Variants in MSH4 observed in about 807,000 individuals in gnomAD.
The protein encoded by MSH4 is mutS homolog 4.
In MSH4, 106 loss-of-function variants were observed where a neutral mutation model predicts 113.7. The ratio of observed to expected loss-of-function variants is 0.93; its 90% CI spans 0.80 to 1.10. The LOEUF (loss-of-function observed/expected upper bound fraction) is 1.10, where lower values mean the gene tolerates loss of function less well. Among genes scored for constraint, MSH4 ranks in the 50% least tolerant of loss-of-function variants. The pLI, the probability that MSH4 is intolerant of heterozygous loss-of-function variation, is 0.00. For synonymous variants in MSH4, 368 were observed against 380.2 expected, an observed-to-expected ratio of 0.97 and a Z score of 0.37; for missense variants, 1,061 against 1,093.7, an observed-to-expected ratio of 0.97 and a Z score of 0.42.
intron 3 of MSH4, among the ~76,000 whole-genome samples, chr1:75,808,883 T>G (rs954396465): frequency 6.6e-6 from 1 of 152,180 alleles, no homozygotes; most frequent in African/African-American, 2.4e-5. Flanking sequence ...ATCTATCAGG[T>G]AGAGATAGTT....
At chr1:75,902,115 A>G (rs1375508514) in intron 19 of MSH4, among the ~76,000 whole-genome samples, 2 of 152,082 alleles carry the variant, frequency 1.3e-5, no homozygotes, top group East Asian at 1.9e-4. Flanking sequence ...CAGTGGAGCA[A>G]TGTACTCATT....
At chr1:75,815,806 G>C (rs1034489530) in intron 5 of MSH4, among the ~76,000 whole-genome samples, 3 of 152,100 alleles carry the variant, frequency 2.0e-5, no homozygotes, top group African/African-American at 7.2e-5. Context: ...CAAGGAGTTT[G>C]AGACCAGCCT....
chr1:75,846,918 G>T (rs1557507617), intron 7 of MSH4, among the ~76,000 whole-genome samples: 1 of 152,088 alleles, frequency 6.6e-6, no homozygotes, highest in Non-Finnish European at 1.5e-5. Flanking sequence ...TTTGTTTTGT[G>T]CTGCTATAAC....
At chr1:75,844,534 C>T (rs1389039059) in intron 7 of MSH4, among the ~76,000 whole-genome samples, 2 of 151,890 alleles carry the variant, frequency 1.3e-5, no homozygotes, top group African/African-American at 2.4e-5. Context: ...ACTGTGTTGC[C>T]AAGGCTGGTC....
chr1:75,813,885 T>G (rs778768183), intron 4 of MSH4, among the ~76,000 whole-genome samples: 1 of 151,928 alleles, frequency 6.6e-6, no homozygotes, highest in Non-Finnish European at 1.5e-5. Context: ...AAAAGCAATA[T>G]GAAGTATAAG....
chr1:75,869,937 C>T lies in MSH4; in HGVS notation c.1305+2349C>T, dbSNP rs114337558. ...CCAGACTCCAGAATGGTAGATCCAC[C>T]GACAGATTGCACCATGCACCTGGAA... On this transcript the variant is annotated intron_variant, in intron 9 of 19. Transcript: ENST00000263187. Among the ~76,000 whole-genome samples, 892 of 152,258 alleles carry T rather than the reference C, an allele frequency of 5.9e-3. 3 individuals carry two copies. The highest frequency in any genetic ancestry group is 0.02 in the African/African-American group (851 of 41,548).
intron 7 of MSH4, among the ~76,000 whole-genome samples, chr1:75,841,302 A>G (rs1650955345): frequency 6.6e-6 from 1 of 151,724 alleles, no homozygotes; most frequent in Non-Finnish European, 1.5e-5. Context: ...GGTTCAAGTG[A>G]TCCTTTTGCT....
At chr1:75,805,439 G>A (rs1557489158) in intron 2 of MSH4, among the ~76,000 whole-genome samples, 3 of 149,460 alleles carry the variant, frequency 2.0e-5, no homozygotes, top group South Asian at 4.2e-4. Context: ...CCAGGCTGGA[G>A]TGCAGTGGCA....
intron 2 of MSH4, among the ~76,000 whole-genome samples, chr1:75,805,674 A>T (rs1650045254): frequency 6.6e-6 from 1 of 152,090 alleles, no homozygotes; most frequent in African/African-American, 2.4e-5. Flanking sequence ...GTTATGAGCC[A>T]CTGCGCCTGG....
chr1:75,898,852 T>C (rs1652442088), intron 18 of MSH4, among the ~76,000 whole-genome samples: 1 of 152,162 alleles, frequency 6.6e-6, no homozygotes, highest in Non-Finnish European at 1.5e-5. Context: ...AAATGGGAAA[T>C]CAACTGGATT....
At chr1:75,806,942 A>C in intron 2 of MSH4, 39 bp from the exon 3 acceptor site, 1 of 1,492,292 alleles carries the variant, frequency 6.7e-7, no homozygotes, top group East Asian at 2.6e-5. Context: ...AATGATTATT[A>C]TCAATGTTTA....
In MSH4 at chr1:75,797,014, C is replaced by T. The variant is rs1649825734; in HGVS notation, c.29C>T (p.Ser10Leu). 2 of 1,614,100 alleles carry T rather than the reference C, an allele frequency of 1.2e-6. No homozygotes were observed. Among genetic ancestry groups the T allele is most frequent in the Non-Finnish European group, 8.5e-7 (1 of 1,180,028 alleles). Residue 10 changes from serine to leucine, a missense_variant, in exon 1 of 20, where the codon TCG becomes TTG. Physicochemically the swap from Ser to Leu is moderately radical, Grantham distance 145. Coordinates refer to ENST00000263187, the MANE Select transcript of MSH4 (RefSeq NM_002440.4). The part of the protein sequence containing the change: MLRPEISST[S>L]PSAPAVSPSS... ...CTGAGGCCTGAGATCTCATCAACCT[C>T]GCCTTCTGCCCCGGCGGTTTCCCCG...
chr1:75,857,411 A>G (rs753770003), intron 8 of MSH4, among the ~76,000 whole-genome samples: 1 of 152,042 alleles, frequency 6.6e-6, no homozygotes, highest in Non-Finnish European at 1.5e-5. Context: ...TAGGGTTTTT[A>G]TGGTTTTAGG....
intron 17 of MSH4, among the ~76,000 whole-genome samples, chr1:75,896,346 A>AAC (rs4035039): frequency 0.013 from 1,821 of 137,220 alleles, 30 homozygotes; most frequent in African/African-American, 0.046. Context: ...ACACACATAC[A>AAC]ACACACACAC....
In MSH4 at chr1:75,898,000, G is replaced by A; in HGVS notation, c.2449G>A (p.Val817Ile). 6.2e-7 allele frequency: 1 copy of A among 1,607,490 alleles called. No individual in the cohort carries two copies. Among genetic ancestry groups the A allele is most frequent in the East Asian group, 2.2e-5 (1 of 44,582 alleles). The change falls in exon 18 of 20, where the codon GTA (valine) becomes ATA (isoleucine). Residue 817 changes from valine to isoleucine, a missense_variant. Transcript: ENST00000263187. ...VENMHFEVQH[V>I]KNTSRNKEAI... ...AAACATGCATTTTGAAGTTCAACAT[G>A]TAAAGAATACCTCAAGAAATAAAGA...
chr1:75,805,694 C>T (rs561896308), intron 2 of MSH4, among the ~76,000 whole-genome samples: 1 of 152,088 alleles, frequency 6.6e-6, no homozygotes, highest in East Asian at 1.9e-4. Context: ...GCCAAAATTA[C>T]CAGTTTTTAA....
intron 8 of MSH4, among the ~76,000 whole-genome samples, chr1:75,856,157 C>T (rs956463243): frequency 1.3e-5 from 2 of 152,056 alleles, no homozygotes; most frequent in African/African-American, 4.8e-5. Flanking sequence ...GAAAAGTCTT[C>T]TGGTCTAGGT....
At chr1:75,814,142 C>G (rs976208591) in intron 4 of MSH4, among the ~76,000 whole-genome samples, 1 of 151,846 alleles carries the variant, frequency 6.6e-6, no homozygotes, top group Non-Finnish European at 1.5e-5. Context: ...TACTTAACAA[C>G]TTGATGCTTT....
rs1386046542 is a variant in MSH4 at position 75,879,097 on chromosome 1, C to T, written c.1646C>T (p.Pro549Leu). Residue 549 changes from proline to leucine, a missense_variant, in exon 12 of 20, where the codon CCT becomes CTT. Transcript: ENST00000263187. ...IQMTTDCIAL[P>L]SDQLPSEFIK... ...ATGACTACAGATTGTATAGCCCTAC[C>T]TAGTGATCAACTTCCTTCAGAATTT... The T allele has an allele frequency of 1.2e-5, 19 of 1,611,410 alleles. No individual in the cohort carries two copies. The Middle Eastern group carries it at 4.9e-4, about 42-fold the overall frequency.
Sources: allele counts gnomAD v4.1 joint callset (sites outside exome capture counted in the v4.1 genomes callset), GRCh38; gene constraint gnomAD v4.1.1; transcripts MANE v1.5; gene names NCBI Gene and HGNC (gene_info 2026-07-23, HGNC 2026-07-21).